HEATR1: variants seen among roughly 807,000 people sequenced by gnomAD.
HEATR1 encodes HEAT repeat-containing protein 1.
In HEATR1, 77 loss-of-function variants were observed where a neutral mutation model predicts 248.2. The observed-to-expected ratio is 0.31, with a 90% CI of 0.26 to 0.37. HEATR1 has a LOEUF of 0.37. Among genes scored for constraint, HEATR1 ranks in the 10% least tolerant of loss-of-function variants. The pLI is 1.00. For synonymous variants in HEATR1, 897 were observed against 923.1 expected, an observed-to-expected ratio of 0.97 and a Z score of 0.51; for missense variants, 2,420 against 2,504.9, an observed-to-expected ratio of 0.97 and a Z score of 0.72.
Position 236,553,610 on chromosome 1 carries a change from G to A in HEATR1, c.6208C>T (p.Leu2070=). The A allele has an allele frequency of 6.2e-7, 1 of 1,613,942 alleles. No individual in the cohort carries two copies. The part of the protein sequence containing the change: ...SLWKPLNYQI[L]LKTRDSSPKV... The stretch of plus-strand genomic sequence containing the variant: ...GGCGAGGAGTCTCTCGTCTTTAGCA[G>A]AATCTGGTAGTTCAGTGGTTTCCAA... Residue 2070 remains leucine (L), a synonymous_variant, in exon 43 of 45, where the codon CTG becomes TTG. Coordinates refer to ENST00000366582, the MANE Select transcript of HEATR1 (RefSeq NM_018072.6).
At chr1:236,582,692 C>G in intron 19 of HEATR1, 44 bp downstream of exon 19, 1 of 1,604,588 alleles carries the variant, frequency 6.2e-7, no homozygotes, top group Non-Finnish European at 8.5e-7. Flanking sequence ...CCAGCCATAT[C>G]TTCTTTAAGG....
chr1:236,587,836 T>C (rs1663935333), intron 13 of HEATR1, 112 bp downstream of exon 13: 2 of 706,474 alleles, frequency 2.8e-6, no homozygotes, highest in Non-Finnish European at 4.6e-6. Context: ...AGAACAAATT[T>C]CCCATGGAAA....
In HEATR1 at chr1:236,549,784, C is replaced by G. The variant is rs910629885; in HGVS notation, c.*1118G>C. The G allele has an allele frequency of 6.6e-6, 1 of 152,118 alleles. No homozygotes were observed. Among genetic ancestry groups the G allele is most frequent in the South Asian group, 2.1e-4 (1 of 4,832 alleles). 9.4% of individuals were successfully genotyped at this position (152,118 alleles called of 1,614,324 possible). A position where few individuals can be genotyped will look rare whatever the true frequency, so the allele number is the denominator to read the frequency against. On this transcript the variant is annotated 3_prime_UTR_variant, in exon 45 of 45. Transcript: ENST00000366582. ...AAAAAAATAGCCCACTCACATCATT[C>G]CTTGTAAGTCTTAAGTTCATTTTCA...
rs767583052 is a variant in HEATR1, at chr1:236,596,831, C to A, written c.744+5G>T. 11 of 1,607,682 alleles carry A rather than the reference C, an allele frequency of 6.8e-6. No homozygotes were observed. Among genetic ancestry groups the A allele is most frequent in the Non-Finnish European group, 9.3e-6 (11 of 1,177,942 alleles). On this transcript the variant is annotated splice_donor_5th_base_variant and intron_variant, in intron 6 of 44. Coordinates refer to ENST00000366582, the MANE Select transcript of HEATR1 (RefSeq NM_018072.6). ...TAATCTACTTAACACATCAGCAGTGCCAACCTTTTGGATATAGGGAAATAG... is the reference window on the plus strand; with the variant it reads ...TAATCTACTTAACACATCAGCAGTGACAACCTTTTGGATATAGGGAAATAG...
chr1:236,602,902 T>C (rs1664363469), intron 3 of HEATR1: 1 of 354,022 alleles, frequency 2.8e-6, no homozygotes, highest in South Asian at 4.4e-5. Context: ...CCAGCCTGAG[T>C]GCCCAGCAAG....
chr1:236,597,356 G>A (rs112667036), intron 5 of HEATR1, among the ~76,000 whole-genome samples: 2 of 150,908 alleles, frequency 1.3e-5, no homozygotes, highest in African/African-American at 4.9e-5. Flanking sequence ...AGGTTCAAGC[G>A]ATTTTCCTGC....
At position 236,582,866 on chromosome 1, in the gene HEATR1, A is replaced by C. The variant is rs751470101; in HGVS notation, c.2432T>G (p.Ile811Arg). Residue 811 changes from isoleucine (I) to arginine (R), a missense_variant, in exon 19 of 45, where the codon ATA becomes AGA. By Grantham distance (97) the Ile-to-Arg change is moderately conservative (BLOSUM62 -3). Coordinates refer to ENST00000366582, the MANE Select transcript of HEATR1 (RefSeq NM_018072.6). ...TTTCAGTTGTTCAGGATTCCACCAT[A>C]TATCACCTACAAGGACATGGAAAGA... is the stretch of plus-strand genomic sequence containing the variant. Reference protein sequence around the residue: ...KAPKSFPKGDIWWNPEQLKED... With the variant: ...KAPKSFPKGDRWWNPEQLKED... 8 of 1,613,962 alleles carry C rather than the reference A, an allele frequency of 5.0e-6. No individual in the cohort carries two copies. The African/African-American group carries it at 6.7e-5, about 13-fold the overall frequency.
Position 236,555,629 on chromosome 1 carries a change from C to T in HEATR1, c.5676G>A (p.Thr1892=), listed in dbSNP as rs777445167. 11 of 1,614,100 alleles carry T rather than the reference C, an allele frequency of 6.8e-6. No homozygotes were observed. Among genetic ancestry groups the T allele is most frequent in the African/African-American group, 1.3e-5 (1 of 74,942 alleles). The change falls in exon 40 of 45, where the codon ACG becomes ACA. Residue 1892 remains threonine (T), a synonymous_variant. Coordinates refer to ENST00000366582, the MANE Select transcript of HEATR1 (RefSeq NM_018072.6). ...SENDLEEVGK[T]ENCIIDCLVA... ...CTAGACAGTCAATGATACAATTTTC[C>T]GTTTTTCCAACTTCCTCCAGATCGT...
At position 236,572,458 on chromosome 1, in the gene HEATR1, G is replaced by A. The variant is rs773649508; in HGVS notation, c.3660C>T (p.Leu1220=). The change falls in exon 26 of 45, where the codon CTC becomes CTT. Residue 1220 remains leucine (L), a synonymous_variant. Coordinates refer to ENST00000366582, the MANE Select transcript of HEATR1 (RefSeq NM_018072.6). ...ILELLQHKKK[L]RSPQILVPTL... is the part of the protein sequence containing the mutation. ...TTGGCACCAATATCTGAGGACTTCT[G>A]AGCTTCTTTTTGTGCTGCAGTAATT... 1 of 1,614,100 alleles carries A rather than the reference G, an allele frequency of 6.2e-7. No homozygotes were observed. The highest frequency in any genetic ancestry group is 1.1e-5 in the South Asian group (1 of 91,072).
At chr1:236,572,244 C>T (rs555055097) in intron 26 of HEATR1, among the ~76,000 whole-genome samples, 167 bp downstream of exon 26, 1 of 152,116 alleles carries the variant, frequency 6.6e-6, no homozygotes, top group Non-Finnish European at 1.5e-5. Context: ...CAGTTTGGGG[C>T]ACCAGCAATG....
At chr1:236,582,948 T>C in intron 18 of HEATR1, 65 bp downstream of exon 18, 1 of 1,604,322 alleles carries the variant, frequency 6.2e-7, no homozygotes, top group Non-Finnish European at 8.5e-7. Flanking sequence ...AAGACAGTCA[T>C]TGTGGAGTCA....
intron 12 of HEATR1, among the ~76,000 whole-genome samples, chr1:236,589,255 C>T (rs997137408): frequency 6.6e-6 from 1 of 152,140 alleles, no homozygotes; most frequent in African/African-American, 2.4e-5. Flanking sequence ...CTGAAATCCT[C>T]CTATCACAAC....
chr1:236,566,981 A>G, intron 29 of HEATR1, 105 bp from the exon 30 acceptor site: 1 of 714,282 alleles, frequency 1.4e-6, no homozygotes. Context: ...AGAAATTGCC[A>G]GAAGAATTTT....
intron 20 of HEATR1, 23 bp from the exon 21 acceptor site, chr1:236,576,972 T>A (rs1364993353): frequency 7.2e-6 from 11 of 1,529,540 alleles, no homozygotes; most frequent in East Asian, 2.3e-5. Flanking sequence ...GAAAAAAAAA[T>A]TTAAGAAACA....
rs375792759 is a variant in HEATR1 at position 236,557,306 on chromosome 1, G to A, written c.5244C>T (p.Ser1748=). 1.7e-4 allele frequency: 273 copies of A among 1,614,052 alleles called. 1 individual carries two copies. Among genetic ancestry groups the A allele is most frequent in the Middle Eastern group, 9.9e-4 (6 of 6,084 alleles). Residue 1748 remains serine, a synonymous_variant, in exon 37 of 45, where the codon AGC becomes AGT. Transcript: ENST00000366582. ...GGTAGACCTCGCTGGAGACCAGCTC[G>A]CTGGTGTTCTTCATTGTTGTCAGCA... is the stretch of plus-strand genomic sequence containing the variant. ...PSLLTTMKNT[S]ELVSSEVYLL... is the part of the protein sequence containing the mutation.
chr1:236,578,814 C>A (rs1465822306), intron 20 of HEATR1, among the ~76,000 whole-genome samples: 4 of 151,978 alleles, frequency 2.6e-5, no homozygotes, highest in Non-Finnish European at 5.9e-5. Flanking sequence ...CTTCTCTATG[C>A]CCTGCCCAGT....
At chr1:236,602,381 T>G (rs999840299) in intron 3 of HEATR1, among the ~76,000 whole-genome samples, 2 of 152,172 alleles carry the variant, frequency 1.3e-5, no homozygotes, top group Non-Finnish European at 2.9e-5. Context: ...ATAATACAAA[T>G]AATCTCACCA....
intron 17 of HEATR1, 58 bp downstream of exon 17, chr1:236,584,967 T>C (rs1663844598): frequency 3.5e-6 from 5 of 1,447,728 alleles, no homozygotes; most frequent in East Asian, 2.3e-5. Flanking sequence ...CTGTGACTAA[T>C]AGGCCAGGCT....
At chr1:236,579,313 A>T (rs955418393) in intron 20 of HEATR1, among the ~76,000 whole-genome samples, 3 of 152,222 alleles carry the variant, frequency 2.0e-5, no homozygotes, top group Non-Finnish European at 4.4e-5. Flanking sequence ...CCACACAAGC[A>T]TGCCCACAAA....
Sources: allele counts gnomAD v4.1 joint callset (sites outside exome capture counted in the v4.1 genomes callset), GRCh38; gene constraint gnomAD v4.1.1; transcripts MANE v1.5; gene names NCBI Gene and HGNC (gene_info 2026-07-23, HGNC 2026-07-21).